Variants in RAB31 observed in about 807,000 individuals in gnomAD.
RAB31 encodes RAB31, member RAS oncogene family.
RAB31 carries 21 observed loss-of-function variants against 25.6 expected under a neutral mutation model. The observed-to-expected ratio is 0.82, with a 90% CI of 0.58 to 1.18. RAB31 has a LOEUF of 1.18. RAB31 is among the 50% of genes most tolerant of loss of function. RAB31 has a pLI of 0.00. For synonymous variants in RAB31, 87 were observed against 84.0 expected (o/e 1.04, Z -0.20); for missense variants, 196 against 250.1 (o/e 0.78, Z 1.46).
chr18:9,727,407 C>T (rs1005899293), intron 1 of RAB31, among the ~76,000 whole-genome samples: 4 of 152,196 alleles, frequency 2.6e-5, no homozygotes, highest in Admixed American at 2.0e-4. Flanking sequence ...GCCTCAAACT[C>T]GCAGGCTCAC....
intron 1 of RAB31, among the ~76,000 whole-genome samples, chr18:9,749,275 C>T (rs1169047068): frequency 4.6e-5 from 7 of 152,140 alleles, no homozygotes; most frequent in Middle Eastern, 3.2e-3. Context: ...GACACATTGT[C>T]GTCATTGTTA....
chr18:9,740,295 T>C (rs138660937), intron 1 of RAB31, among the ~76,000 whole-genome samples: 2 of 152,392 alleles, frequency 1.3e-5, no homozygotes, highest in East Asian at 3.9e-4. Flanking sequence ...ATAGAAATCA[T>C]CTACTTACCT....
chr18:9,825,471 A>G (rs1354941799), intron 5 of RAB31, among the ~76,000 whole-genome samples: 1 of 152,222 alleles, frequency 6.6e-6, no homozygotes, highest in Non-Finnish European at 1.5e-5. Flanking sequence ...CAGTGGTTTT[A>G]AAAGTTTCAT....
At chr18:9,844,689 T>G (rs2068751298) in intron 5 of RAB31, 1 of 152,222 alleles carries the variant, frequency 6.6e-6, no homozygotes, top group South Asian at 2.1e-4. Flanking sequence ...TTTTTTATCT[T>G]TGGATCCACC....
rs561620891 is a variant in RAB31, at chr18:9,851,986, T to C, written c.490+6295T>C. On this transcript the variant is annotated intron_variant, in intron 6 of 6. Coordinates refer to ENST00000578921, the MANE Select transcript of RAB31 (RefSeq NM_006868.4). ...TAATATATTTCAATATATATAATGA[T>C]AAATATTATTCCAAGAATATATCCT... Among the ~76,000 whole-genome samples, 23 of 151,766 alleles carry C rather than the reference T, an allele frequency of 1.5e-4. No individual in the cohort carries two copies. The South Asian group carries it at 4.3e-3, about 29-fold the overall frequency.
intron 1 of RAB31, among the ~76,000 whole-genome samples, chr18:9,760,802 C>T (rs1055578668): frequency 3.9e-5 from 6 of 152,200 alleles, no homozygotes; most frequent in Non-Finnish European, 8.8e-5. Context: ...ACTGAAACAG[C>T]CCCATCCTGG....
chr18:9,708,649 C>T lies in RAB31; in HGVS notation c.39+205C>T, dbSNP rs899738535. Among the ~76,000 whole-genome samples the T allele has an allele frequency of 1.3e-5, 2 of 151,998 alleles. No homozygotes were observed. Among genetic ancestry groups the T allele is most frequent in the African/African-American group, 2.4e-5 (1 of 41,464 alleles). On this transcript the variant is annotated intron_variant, in intron 1 of 6. Coordinates refer to ENST00000578921, the MANE Select transcript of RAB31 (RefSeq NM_006868.4). This position sits in a 1 kb window ranked among gnomAD's most constrained non-coding sequence, Gnocchi z 6.4. ...CGTGCGCCCCTCGCTCTCCGCGCCC[C>T]TCGCTCTCCGCACCCCGCCTGTTCT...
At chr18:9,778,557 G>A (rs1460447634) in intron 2 of RAB31, among the ~76,000 whole-genome samples, 1 of 152,016 alleles carries the variant, frequency 6.6e-6, no homozygotes, top group Admixed American at 6.6e-5. Flanking sequence ...TGCAACCTCC[G>A]CCTCCTGAGT....
At chr18:9,841,094 C>T (rs1293967472) in intron 5 of RAB31, among the ~76,000 whole-genome samples, 5 of 152,076 alleles carry the variant, frequency 3.3e-5, no homozygotes, top group Non-Finnish European at 7.4e-5. Context: ...TCACACCTGG[C>T]TAATTTTTCC....
Position 9,736,022 on chromosome 18 carries a change from C to T in RAB31, c.39+27578C>T, listed in dbSNP as rs184444154. 2.3e-3 allele frequency among the ~76,000 whole-genome samples: 347 copies of T among 151,926 alleles called. 1 individual carries two copies. The highest frequency in any genetic ancestry group is 6.5e-3 in the African/African-American group (269 of 41,416). ...TGGCTAATTTTTAAAATTTTTGCAG[C>T]GATGGGGTCTCACTAGGTTGCCCCG... On this transcript the variant is annotated intron_variant, in intron 1 of 6. Transcript: ENST00000578921.
At chr18:9,846,102 C>T (rs1460670267) in intron 6 of RAB31, among the ~76,000 whole-genome samples, 1 of 152,126 alleles carries the variant, frequency 6.6e-6, no homozygotes, top group East Asian at 1.9e-4. Flanking sequence ...TTTGCCTGAT[C>T]ATCTCCTACA....
chr18:9,775,947 C>T (rs1402012759), intron 2 of RAB31, among the ~76,000 whole-genome samples: 2 of 152,046 alleles, frequency 1.3e-5, no homozygotes, highest in African/African-American at 4.8e-5. Flanking sequence ...CACCACCATG[C>T]CTGGCTATTT....
At chr18:9,825,830 T>G (rs1237721185) in intron 5 of RAB31, among the ~76,000 whole-genome samples, 1 of 152,152 alleles carries the variant, frequency 6.6e-6, no homozygotes, top group African/African-American at 2.4e-5. Flanking sequence ...CTAAGCAAAT[T>G]AATCCAGGAA....
intron 1 of RAB31, among the ~76,000 whole-genome samples, chr18:9,755,654 A>T (rs918317240): frequency 6.6e-6 from 1 of 152,184 alleles, no homozygotes; most frequent in Non-Finnish European, 1.5e-5. Context: ...CTGAATTTCC[A>T]TGGCCTCATG....
chr18:9,752,644 C>T (rs1318315791), intron 1 of RAB31, among the ~76,000 whole-genome samples: 1 of 152,194 alleles, frequency 6.6e-6, no homozygotes, highest in South Asian at 2.1e-4. Context: ...TTGAGCAGAT[C>T]CTGACTGATA....
intron 3 of RAB31, among the ~76,000 whole-genome samples, chr18:9,793,513 T>A: frequency 6.6e-6 from 1 of 151,848 alleles, no homozygotes; most frequent in Non-Finnish European, 1.5e-5. Flanking sequence ...ATACAAAAAA[T>A]TAGCCAGGTG....
intron 1 of RAB31, among the ~76,000 whole-genome samples, chr18:9,774,339 G>A (rs982020132): frequency 3.3e-5 from 5 of 152,164 alleles, no homozygotes; most frequent in Admixed American, 3.3e-4. Context: ...TTCCTGGAGA[G>A]TAAAGCTCTG....
intron 2 of RAB31, among the ~76,000 whole-genome samples, chr18:9,790,765 T>C (rs2068455791): frequency 6.6e-6 from 1 of 152,192 alleles, no homozygotes; most frequent in Admixed American, 6.5e-5. Context: ...ACAATTAAAT[T>C]CAGACTAAAC....
intron 1 of RAB31, among the ~76,000 whole-genome samples, chr18:9,761,372 A>T (rs904398775): frequency 3.3e-5 from 5 of 152,202 alleles, no homozygotes; most frequent in African/African-American, 1.2e-4. Context: ...TTGTTGAAAG[A>T]TTAAACCTGT....
Sources: gnomAD v4.1 joint callset for allele counts (sites outside exome capture counted in the v4.1 genomes callset) on GRCh38, gnomAD v4.1.1 for gene constraint, Gnocchi (gnomAD v3.1) non-coding constraint, MANE v1.5 for transcripts, NCBI Gene and HGNC (gene_info 2026-07-23, HGNC 2026-07-21) for gene names.